FOLH1: variants seen among roughly 807,000 people sequenced by gnomAD.
The protein encoded by FOLH1 is glutamate carboxypeptidase 2.
Under a neutral mutation model 93.9 loss-of-function variants are expected in FOLH1, and 54 were observed. That is an observed-to-expected ratio of 0.57 (90% CI 0.46 to 0.72). FOLH1 has a LOEUF of 0.72. Among genes scored for constraint, FOLH1 ranks in the 30% least tolerant of loss-of-function variants. FOLH1 has a pLI of 0.00. For synonymous variants in FOLH1, 249 were observed against 303.6 expected (o/e 0.82, Z 1.87); for missense variants, 571 against 892.5 (o/e 0.64, Z 4.59).
intron 13 of FOLH1, among the ~76,000 whole-genome samples, chr11:49,162,095 A>T (rs1253182958): frequency 5.3e-5 from 8 of 152,056 alleles, no homozygotes; most frequent in Admixed American, 1.3e-4. Context: ...TCTGATGAGT[A>T]TGTGTCTTGG....
At chr11:49,183,313 T>C in intron 6 of FOLH1, 71 bp from the exon 7 acceptor site, 1 of 1,112,078 alleles carries the variant, frequency 9.0e-7, no homozygotes, top group South Asian at 1.5e-5. Flanking sequence ...TAAATCACAT[T>C]AAATACATTC....
In FOLH1 at chr11:49,153,914, A is replaced by G; in HGVS notation, c.1902T>C (p.Ser634=). 2 of 1,600,772 alleles carry G rather than the reference A, an allele frequency of 1.2e-6. No individual in the cohort carries two copies. The highest frequency in any genetic ancestry group is 1.7e-6 in the Non-Finnish European group (2 of 1,175,280). Residue 634 remains serine, a synonymous_variant, in exon 17 of 19, where the codon TCT becomes TCC. Coordinates refer to ENST00000256999, the MANE Select transcript of FOLH1 (RefSeq NM_004476.3). ...TYSVSFDSLF[S]AVKNFTEIAS... Reference sequence around the variant, plus strand: ...CAATTTCTGTAAAATTCTTTACTGCAGAAAAAAGTGAATCTGAAATAGAAA... The same window carrying G: ...CAATTTCTGTAAAATTCTTTACTGCGGAAAAAAGTGAATCTGAAATAGAAA...
chr11:49,197,282 G>A (rs1470522063), intron 3 of FOLH1, among the ~76,000 whole-genome samples: 3 of 152,150 alleles, frequency 2.0e-5, no homozygotes, highest in Non-Finnish European at 4.4e-5. Context: ...GCAAGTTTAT[G>A]AGCTATTCTA....
At chr11:49,156,324 C>A (rs1004697585) in intron 15 of FOLH1, among the ~76,000 whole-genome samples, 1 of 151,890 alleles carries the variant, frequency 6.6e-6, no homozygotes, top group Admixed American at 6.6e-5. Context: ...GATGGAAATC[C>A]AAATACACTC....
intron 13 of FOLH1, 127 bp downstream of exon 13, chr11:49,164,578 T>A (rs1858132401): frequency 3.1e-6 from 2 of 640,116 alleles, no homozygotes; most frequent in Admixed American, 5.7e-5. Flanking sequence ...TGTGAAGATG[T>A]GATGTCATAT....
chr11:49,187,842 A>G (rs1861589992), intron 4 of FOLH1, among the ~76,000 whole-genome samples: 1 of 152,196 alleles, frequency 6.6e-6, no homozygotes, highest in Non-Finnish European at 1.5e-5. Flanking sequence ...CTAGAATGCC[A>G]CACATTCAGT....
At chr11:49,202,820 C>G (rs1863429748) in intron 2 of FOLH1, among the ~76,000 whole-genome samples, 1 of 152,144 alleles carries the variant, frequency 6.6e-6, no homozygotes, top group African/African-American at 2.4e-5. Context: ...ACTGGGGAGG[C>G]TGGAGCTCCA....
chr11:49,195,935 T>C (rs1301898541), intron 3 of FOLH1, among the ~76,000 whole-genome samples: 2 of 152,108 alleles, frequency 1.3e-5, no homozygotes, highest in Admixed American at 1.3e-4. Flanking sequence ...GCGGGTGGAT[T>C]ACAAGGTCAG....
At chr11:49,178,617 T>A (rs1218744220) in intron 7 of FOLH1, among the ~76,000 whole-genome samples, 1 of 152,134 alleles carries the variant, frequency 6.6e-6, no homozygotes, top group African/African-American at 2.4e-5. Context: ...AATTTCTCTT[T>A]AGGTTCTCTT....
At chr11:49,164,286 A>G (rs556094848) in intron 13 of FOLH1, among the ~76,000 whole-genome samples, 62 of 152,316 alleles carry the variant, frequency 4.1e-4, no homozygotes, top group African/African-American at 1.5e-3. Context: ...TTCTTTCTCA[A>G]TCAGTTAGAA....
chr11:49,194,945 CAT>C (rs1220100496), intron 3 of FOLH1, among the ~76,000 whole-genome samples: 1 of 151,834 alleles, frequency 6.6e-6, no homozygotes, highest in Non-Finnish European at 1.5e-5. Context: ...ATAAAACAGA[CAT>C]CACTATAGTG....
chr11:49,189,814 A>T (rs1349642651), intron 4 of FOLH1, among the ~76,000 whole-genome samples: 1 of 152,250 alleles, frequency 6.6e-6, no homozygotes, highest in African/African-American at 2.4e-5. Context: ...GGTGATAAGT[A>T]GTATAGAAAA....
At chr11:49,163,547 T>C (rs1565149466) in intron 13 of FOLH1, among the ~76,000 whole-genome samples, 1 of 138,554 alleles carries the variant, frequency 7.2e-6, no homozygotes, top group Non-Finnish European at 1.5e-5. Context: ...GGCACAACAC[T>C]GCTACCAGTG....
intron 18 of FOLH1, among the ~76,000 whole-genome samples, chr11:49,147,719 T>C (rs546097923): frequency 6.6e-6 from 1 of 151,696 alleles, no homozygotes; most frequent in African/African-American, 2.4e-5. Flanking sequence ...AGGCCAGGAG[T>C]TCTAGACGAG....
At chr11:49,164,638 A>T (rs2135007953) in intron 13 of FOLH1, 67 bp downstream of exon 13, 1 of 1,095,930 alleles carries the variant, frequency 9.1e-7, no homozygotes, top group Non-Finnish European at 1.3e-6. Context: ...CCTATGTTTA[A>T]CATAATACCT....
intron 17 of FOLH1, 104 bp from the exon 18 acceptor site, chr11:49,148,835 G>A (rs1856081357): frequency 1.0e-6 from 1 of 969,180 alleles, no homozygotes; most frequent in Non-Finnish European, 1.4e-6. Flanking sequence ...CCGGGGATTG[G>A]TTTCAGGACC....
Position 49,154,139 on chromosome 11 carries a change from A to C in FOLH1, c.1888+89T>G, listed in dbSNP as rs574319046. ...TATTGGATCACTTGAAATAGCAATAAATAATAAATGACCTAAGATAGCCCA... is the reference window on the plus strand; with the variant it reads ...TATTGGATCACTTGAAATAGCAATACATAATAAATGACCTAAGATAGCCCA... On this transcript the variant is annotated intron_variant, in intron 16 of 18. Transcript: ENST00000256999. 20 of 1,528,442 alleles carry C rather than the reference A, an allele frequency of 1.3e-5. No individual in the cohort carries two copies. In the South Asian group the frequency reaches 2.4e-4, roughly 18 times the overall value. 94.7% of individuals were successfully genotyped at this position (1,528,442 alleles called of 1,614,324 possible). A position where few individuals can be genotyped will look rare whatever the true frequency, so the allele number is the denominator to read the frequency against.
rs548480842 is a variant in FOLH1, at chr11:49,177,542, C to T, written c.921-1585G>A. ...GAGCTTCCCTTCTAACAAAAAGCAG[C>T]CCAATAAATTATTTTTTTTTTCTAA... On this transcript the variant is annotated intron_variant, in intron 7 of 18. Transcript: ENST00000256999. Among the ~76,000 whole-genome samples, 11 of 151,944 alleles carry T rather than the reference C, an allele frequency of 7.2e-5. No homozygotes were observed. In the South Asian group the frequency reaches 2.1e-3, roughly 29 times the overall value.
chr11:49,156,009 C>T, intron 15 of FOLH1, among the ~76,000 whole-genome samples: 1 of 151,248 alleles, frequency 6.6e-6, no homozygotes, highest in South Asian at 2.1e-4. Flanking sequence ...AGTTTTCCTG[C>T]ACTGCTCTCG....
Sources: gnomAD v4.1 joint callset for allele counts (sites outside exome capture counted in the v4.1 genomes callset) on GRCh38, gnomAD v4.1.1 for gene constraint, MANE v1.5 for transcripts, NCBI Gene and HGNC (gene_info 2026-07-23, HGNC 2026-07-21) for gene names.